The following ZHX2 variants were observed in gnomAD, a reference collection of about 807,000 sequenced individuals.
ZHX2 encodes the protein zinc fingers and homeoboxes protein 2.
Under a neutral mutation model 21.9 loss-of-function variants are expected in ZHX2, and 6 were observed. The ratio of observed to expected loss-of-function variants is 0.27; its 90% CI spans 0.15 to 0.54. The LOEUF is 0.54. ZHX2 is among the 20% of genes least tolerant of loss of function. The pLI is 0.95. For missense variants in ZHX2, 908 were observed against 1,090.7 expected (o/e 0.83, Z 2.36); for synonymous variants, 434 against 437.1 (o/e 0.99, Z 0.09).
chr8:122,863,704 C>A (rs1295776497), intron 2 of ZHX2, among the ~76,000 whole-genome samples, 165 bp downstream of exon 2: 1 of 152,102 alleles, frequency 6.6e-6, no homozygotes, highest in African/African-American at 2.4e-5. Context: ...AGGTGTGAGT[C>A]CCTTGGAATC....
At chr8:122,889,167 G>C (rs1384304509) in intron 2 of ZHX2, among the ~76,000 whole-genome samples, 5 of 152,108 alleles carry the variant, frequency 3.3e-5, no homozygotes, top group Non-Finnish European at 7.4e-5. Flanking sequence ...CAGCTATTGT[G>C]AATAGTGCTG....
chr8:122,943,539 A>G (rs542385082), intron 2 of ZHX2, among the ~76,000 whole-genome samples: 1 of 152,328 alleles, frequency 6.6e-6, no homozygotes, highest in East Asian at 1.9e-4. Context: ...TGATTAAGGG[A>G]GAATCAGCTG....
chr8:122,887,050 C>CAT (rs969656046), intron 2 of ZHX2, among the ~76,000 whole-genome samples: 10 of 136,448 alleles, frequency 7.3e-5, no homozygotes, highest in African/African-American at 2.5e-4. Context: ...GCTCTGCCAC[C>CAT]GTGTGTGTGT....
chr8:122,952,235 T>C lies in ZHX2; in HGVS notation c.725T>C (p.Val242Ala). The C allele has an allele frequency of 1.2e-6, 2 of 1,613,492 alleles. No individual in the cohort carries two copies. The highest frequency in any genetic ancestry group is 1.6e-4 in the Middle Eastern group (1 of 6,062). Residue 242 changes from valine to alanine, a missense_variant, in exon 3 of 4, where the codon GTC (valine) becomes GCC (alanine). Physicochemically the swap from Val to Ala is moderately conservative, Grantham distance 64. Transcript: ENST00000314393. This position sits in a 1 kb window ranked among gnomAD's most constrained non-coding sequence, Gnocchi z 6.9. ...CTCCTCCAAGACACATTAGGACACG[T>C]CATGCCTTCTGTACAGCTGCCACCA... Reference protein sequence around the residue: ...VELLQDTLGHVMPSVQLPPNI... With the variant: ...VELLQDTLGHAMPSVQLPPNI...
intron 1 of ZHX2, among the ~76,000 whole-genome samples, chr8:122,787,916 A>G (rs1280076256): frequency 6.6e-6 from 1 of 152,216 alleles, no homozygotes. Flanking sequence ...TATGCTGTGC[A>G]GAGGTGACCG....
chr8:122,934,110 A>C (rs181593545), intron 2 of ZHX2, among the ~76,000 whole-genome samples: 118 of 152,342 alleles, frequency 7.7e-4, no homozygotes, highest in Middle Eastern at 6.8e-3. Flanking sequence ...GAGTCTTCAC[A>C]AGCATTGTAC....
chr8:122,926,865 A>C (rs1003777548), intron 2 of ZHX2, among the ~76,000 whole-genome samples: 3 of 151,990 alleles, frequency 2.0e-5, no homozygotes, highest in African/African-American at 7.3e-5. Context: ...TTCTGTCTGG[A>C]ATCTCCCTCT....
chr8:122,930,143 C>G (rs757555591), intron 2 of ZHX2, among the ~76,000 whole-genome samples: 19 of 152,204 alleles, frequency 1.2e-4, no homozygotes, highest in Non-Finnish European at 2.4e-4. Flanking sequence ...ATTTCCTGCT[C>G]TGCCTCCTCA....
chr8:122,906,986 G>A (rs60454502), intron 2 of ZHX2, among the ~76,000 whole-genome samples: 9,409 of 152,114 alleles, frequency 0.062, 838 homozygotes, highest in African/African-American at 0.2. Flanking sequence ...TTTCATAAAA[G>A]TCATATGCAG....
Position 122,848,893 on chromosome 8 carries a change from C to T in ZHX2, c.-282-14584C>T, listed in dbSNP as rs985531101. 6.6e-5 allele frequency among the ~76,000 whole-genome samples: 10 copies of T among 152,292 alleles called. 1 individual carries two copies. Among genetic ancestry groups the T allele is most frequent in the African/African-American group, 2.4e-4 (10 of 41,566 alleles). Reference sequence around the variant, plus strand: ...GTATCATGGAAAGAGGAGGCTGTTTCGGAATCCAGACTCTACGCAGTCCTG... The same window carrying T: ...GTATCATGGAAAGAGGAGGCTGTTTTGGAATCCAGACTCTACGCAGTCCTG... On this transcript the variant is annotated intron_variant, in intron 1 of 3. Coordinates refer to ENST00000314393, the MANE Select transcript of ZHX2 (RefSeq NM_014943.5).
intron 2 of ZHX2, among the ~76,000 whole-genome samples, chr8:122,926,511 G>A (rs747995275): frequency 6.6e-6 from 1 of 152,226 alleles, no homozygotes; most frequent in Non-Finnish European, 1.5e-5. Context: ...GATGGGGAAC[G>A]TGGGAAGACC....
intron 2 of ZHX2, among the ~76,000 whole-genome samples, chr8:122,938,646 G>C (rs1047693922): frequency 6.6e-6 from 1 of 152,076 alleles, no homozygotes; most frequent in African/African-American, 2.4e-5. Context: ...ACACCAGCCT[G>C]GGCAACATGG....
chr8:122,783,682 A>G (rs949478398), intron 1 of ZHX2, among the ~76,000 whole-genome samples: 3 of 152,224 alleles, frequency 2.0e-5, no homozygotes, highest in African/African-American at 7.2e-5. Flanking sequence ...ATGACGACCA[A>G]GTGGAATAAA....
intron 1 of ZHX2, among the ~76,000 whole-genome samples, chr8:122,818,948 C>T (rs1024799363): frequency 6.6e-6 from 1 of 152,220 alleles, no homozygotes; most frequent in Non-Finnish European, 1.5e-5. Context: ...CAGGCAGCAG[C>T]AAGCTCGCAG....
chr8:122,856,204 A>G (rs1295114217), intron 1 of ZHX2, among the ~76,000 whole-genome samples: 1 of 152,172 alleles, frequency 6.6e-6, no homozygotes, highest in Non-Finnish European at 1.5e-5. Context: ...TTCTAAACTG[A>G]GTCTGTCAGT....
At chr8:122,898,939 C>T (rs186535023) in intron 2 of ZHX2, among the ~76,000 whole-genome samples, 5 of 152,306 alleles carry the variant, frequency 3.3e-5, no homozygotes, top group South Asian at 2.1e-4. Context: ...AACCCACTCC[C>T]GGCCTTGTTC....
At chr8:122,865,839 G>C (rs1819280180) in intron 2 of ZHX2, among the ~76,000 whole-genome samples, 1 of 152,326 alleles carries the variant, frequency 6.6e-6, no homozygotes, top group South Asian at 2.1e-4. Flanking sequence ...CAGAGCACTG[G>C]GCTGGGAGTC....
At chr8:122,832,846 C>CTAAT (rs1316306403) in intron 1 of ZHX2, among the ~76,000 whole-genome samples, 1 of 152,044 alleles carries the variant, frequency 6.6e-6, no homozygotes. Context: ...TAGGGGAGAC[C>CTAAT]TAATACTCCC....
intron 1 of ZHX2, among the ~76,000 whole-genome samples, chr8:122,814,085 T>C (rs1484548093): frequency 6.6e-6 from 1 of 152,010 alleles, no homozygotes; most frequent in African/African-American, 2.4e-5. Flanking sequence ...GACCCAAAGT[T>C]CGCACTACTA....
Sources: allele counts gnomAD v4.1 joint callset (sites outside exome capture counted in the v4.1 genomes callset), GRCh38; gene constraint gnomAD v4.1.1; non-coding constraint Gnocchi (gnomAD v3.1); transcripts MANE v1.5; gene names NCBI Gene and HGNC (gene_info 2026-07-23, HGNC 2026-07-21).